Variants in PRELID2 observed in about 807,000 individuals in gnomAD.
PRELID2 encodes the protein PRELI domain containing 2, also known as PRELI domain-containing protein 2.
In PRELID2, 25 loss-of-function variants were observed where a neutral mutation model predicts 28.4. The observed-to-expected ratio is 0.88, with a 90% CI of 0.64 to 1.23. The LOEUF is 1.23. PRELID2 is among the 50% of genes most tolerant of loss of function. The probability of loss-of-function intolerance (pLI) is 0.00; values close to 1 mark genes in which losing one functional copy is unlikely to be tolerated. For missense variants in PRELID2, 201 were observed against 214.4 expected (o/e 0.94, Z 0.39); for synonymous variants, 76 against 71.6 (o/e 1.06, Z -0.31).
At chr5:145,715,498 T>C (rs1755817811) in intron 1 of PRELID2, among the ~76,000 whole-genome samples, 1 of 152,142 alleles carries the variant, frequency 6.6e-6, no homozygotes. Context: ...GGAACTTAAA[T>C]CCAATCAAGT....
At chr5:145,234,224 C>G in the PRELID2 span, among the ~76,000 whole-genome samples, 1 of 152,108 alleles carries the variant, frequency 6.6e-6, no homozygotes, top group Non-Finnish European at 1.5e-5. Context: ...TATACTAATT[C>G]TTAGCAATAT....
chr5:145,258,417 G>A, the PRELID2 span, among the ~76,000 whole-genome samples: 1 of 152,266 alleles, frequency 6.6e-6, no homozygotes, highest in East Asian at 1.9e-4. Flanking sequence ...GATATGGACA[G>A]TTATGTTCAG....
intron 1 of PRELID2, chr5:145,728,795 G>A (rs1399137355): frequency 2.1e-5 from 23 of 1,121,682 alleles, no homozygotes; most frequent in Non-Finnish European, 2.7e-5. Flanking sequence ...AGTAGAAGTT[G>A]TACGTTCCAA....
At chr5:145,451,170 A>G in the PRELID2 span, 1 of 152,260 alleles carries the variant, frequency 6.6e-6, no homozygotes, top group African/African-American at 2.4e-5. Context: ...CCCACATGCC[A>G]TCTGGCTGAG....
At chr5:145,318,349 A>C in the PRELID2 span, among the ~76,000 whole-genome samples, 3 of 152,112 alleles carry the variant, frequency 2.0e-5, no homozygotes, top group Non-Finnish European at 4.4e-5. Flanking sequence ...AACTCTCATG[A>C]CCTGAGTTTT....
At chr5:145,274,648 A>G in the PRELID2 span, among the ~76,000 whole-genome samples, 2 of 152,204 alleles carry the variant, frequency 1.3e-5, no homozygotes, top group Admixed American at 6.5e-5. Context: ...TTGCATATAT[A>G]TTGTAGTCTA....
At chr5:145,349,944 G>A in the PRELID2 span, among the ~76,000 whole-genome samples, 3 of 152,182 alleles carry the variant, frequency 2.0e-5, no homozygotes, top group Non-Finnish European at 2.9e-5. Context: ...CTCATATTAT[G>A]TGCCAAAGAG....
At chr5:145,432,262 C>G in the PRELID2 span, among the ~76,000 whole-genome samples, 4 of 151,974 alleles carry the variant, frequency 2.6e-5, no homozygotes, top group South Asian at 8.3e-4. Context: ...TGACAATTGA[C>G]CTTCCTTTTG....
the PRELID2 span, among the ~76,000 whole-genome samples, chr5:145,413,241 C>T: frequency 6.6e-6 from 1 of 152,184 alleles, no homozygotes; most frequent in Non-Finnish European, 1.5e-5. Context: ...AAATGCTCAA[C>T]ATCACTAATG....
chr5:145,452,091 C>T, the PRELID2 span, among the ~76,000 whole-genome samples: 1 of 152,180 alleles, frequency 6.6e-6, no homozygotes, highest in African/African-American at 2.4e-5. Flanking sequence ...CTTGTTCACT[C>T]TACAGTACAA....
At chr5:145,444,996 C>A in the PRELID2 span, among the ~76,000 whole-genome samples, 1 of 152,092 alleles carries the variant, frequency 6.6e-6, no homozygotes, top group East Asian at 1.9e-4. Flanking sequence ...ATCAAAATAC[C>A]AATGACATTC....
chr5:145,257,600 A>T, the PRELID2 span, among the ~76,000 whole-genome samples: 1 of 152,156 alleles, frequency 6.6e-6, no homozygotes, highest in South Asian at 2.1e-4. Context: ...TGTTCATAAG[A>T]ATGTTTAAGA....
the PRELID2 span, among the ~76,000 whole-genome samples, chr5:145,445,274 C>G: frequency 6.6e-6 from 1 of 152,012 alleles, no homozygotes; most frequent in Non-Finnish European, 1.5e-5. Flanking sequence ...AGAACACTCA[C>G]TGGGTAAAGG....
At chr5:145,298,789 A>G in the PRELID2 span, among the ~76,000 whole-genome samples, 6 of 152,128 alleles carry the variant, frequency 3.9e-5, no homozygotes, top group African/African-American at 1.2e-4. Context: ...ATAAACTAAG[A>G]CAATATACAT....
At position 145,799,025 on chromosome 5, in the gene PRELID2, A is replaced by AATATATATATAT. The variant is rs532556100; in HGVS notation, c.369-2490_369-2479dup. Among the ~76,000 whole-genome samples, 364 of 147,998 alleles carry AATATATATATAT rather than the reference A, an allele frequency of 2.5e-3. 3 individuals are homozygous for AATATATATATAT. Among genetic ancestry groups the AATATATATATAT allele is most frequent in the African/African-American group, 8.5e-3 (342 of 40,142 alleles). On this transcript the variant is annotated intron_variant, in intron 4 of 6. Transcript: ENST00000683046. Reference sequence around the variant, plus strand: ...TACCCTAGAACTTAAAGTATAATAAAATATATATATATATATAAAAGACTC... The same window carrying AATATATATATAT: ...TACCCTAGAACTTAAAGTATAATAAAATATATATATATATATATATATATATATAAAAGACTC...
At chr5:145,249,925 C>G in the PRELID2 span, among the ~76,000 whole-genome samples, 3 of 150,980 alleles carry the variant, frequency 2.0e-5, no homozygotes, top group Admixed American at 1.3e-4. Context: ...CTCCCTCTCT[C>G]TCTCTCTCTC....
the PRELID2 span, among the ~76,000 whole-genome samples, chr5:145,365,267 A>G: frequency 6.6e-6 from 1 of 152,108 alleles, no homozygotes; most frequent in East Asian, 1.9e-4. Flanking sequence ...ATTGGATTTT[A>G]CATGTTTTTC....
At chr5:145,325,502 G>A in the PRELID2 span, among the ~76,000 whole-genome samples, 1 of 152,182 alleles carries the variant, frequency 6.6e-6, no homozygotes, top group South Asian at 2.1e-4. Context: ...GTTGTGTTCA[G>A]TGCCTTAGAG....
At chr5:145,486,532 G>T (rs1241339255) in intron 1 of PRELID2, among the ~76,000 whole-genome samples, 8 of 152,128 alleles carry the variant, frequency 5.3e-5, no homozygotes, top group Non-Finnish European at 1.2e-4. Flanking sequence ...CAACCTCCAT[G>T]TAAGAACACC....
Sources: gnomAD v4.1 joint callset for allele counts (sites outside exome capture counted in the v4.1 genomes callset) on GRCh38, gnomAD v4.1.1 for gene constraint, MANE v1.5 for transcripts, NCBI Gene and HGNC (gene_info 2026-07-23, HGNC 2026-07-21) for gene names.